TPO: variants seen among roughly 807,000 people sequenced by gnomAD.
TPO encodes the protein thyroid peroxidase.
TPO carries 78 observed loss-of-function variants against 96.9 expected under a neutral mutation model. That is an observed-to-expected ratio of 0.81 (90% CI 0.67 to 0.97). The LOEUF (loss-of-function observed/expected upper bound fraction) is 0.97. TPO is among the 50% of genes least tolerant of loss of function. The pLI is 0.00. For synonymous variants in TPO, 547 were observed against 538.0 expected, an observed-to-expected ratio of 1.02 and a Z score of -0.23; for missense variants, 1,252 against 1,274.8, an observed-to-expected ratio of 0.98 and a Z score of 0.27.
intron 14 of TPO, among the ~76,000 whole-genome samples, chr2:1,514,401 T>C (rs1348412607): frequency 6.6e-6 from 1 of 152,198 alleles, no homozygotes; most frequent in Admixed American, 6.5e-5. Flanking sequence ...AAATTAACCA[T>C]CCCAGTCATG....
chr2:1,517,028 C>G (rs911933283), intron 15 of TPO, 46 bp downstream of exon 15: 2 of 1,590,548 alleles, frequency 1.3e-6, no homozygotes, highest in Non-Finnish European at 8.6e-7. Context: ...AAAGCAATCT[C>G]CTTTCCTCTG....
chr2:1,499,225 C>T (rs1352407829), intron 13 of TPO, among the ~76,000 whole-genome samples: 2 of 151,738 alleles, frequency 1.3e-5, no homozygotes, highest in African/African-American at 4.8e-5. Flanking sequence ...CTCTGACCTT[C>T]CGCCTGCCCT....
chr2:1,422,953 C>A, intron 2 of TPO, 92 bp from the exon 3 acceptor site: 2 of 1,431,822 alleles, frequency 1.4e-6, no homozygotes, highest in Admixed American at 1.8e-5. Context: ...TGGGCATCAC[C>A]GCAGCAAGAT....
rs145301367 is a variant in TPO, at chr2:1,511,899, T to A, written c.2519-4984T>A. Among the ~76,000 whole-genome samples the A allele has an allele frequency of 3.2e-3, 486 of 152,366 alleles. 5 individuals are homozygous for A. Among genetic ancestry groups the A allele is most frequent in the African/African-American group, 0.011 (464 of 41,584 alleles). On this transcript the variant is annotated intron_variant, in intron 14 of 16. Transcript: ENST00000329066. Reference sequence around the variant, plus strand: ...TGGTCCATAGTGCCATCTTTTAATCTTCAGAATAAAACTTTAGAAGAAGTG... The same window carrying A: ...TGGTCCATAGTGCCATCTTTTAATCATCAGAATAAAACTTTAGAAGAAGTG...
intron 7 of TPO, among the ~76,000 whole-genome samples, chr2:1,457,512 A>G (rs562426836): frequency 3.1e-5 from 2 of 64,016 alleles, no homozygotes; most frequent in Non-Finnish European, 6.9e-5. Context: ...AGCATGTATG[A>G]TACTGTGGGT....
At chr2:1,541,210 G>GA (rs1340757354) in intron 16 of TPO, 1 of 1,159,774 alleles carries the variant, frequency 8.6e-7, no homozygotes, top group Non-Finnish European at 1.1e-6. Flanking sequence ...GAGAAGCAGA[G>GA]AGCAGAACAG....
chr2:1,436,109 C>A, intron 4 of TPO, 143 bp from the exon 5 acceptor site: 2 of 1,230,758 alleles, frequency 1.6e-6, no homozygotes, highest in African/African-American at 1.5e-5. Flanking sequence ...AGGGAGAAGG[C>A]AGATTTTCTC....
At chr2:1,412,709 AC>A (rs1662475413), upstream of TPO, among the ~76,000 whole-genome samples, 1 of 152,140 alleles carries the variant, frequency 6.6e-6, no homozygotes, top group Admixed American at 6.5e-5. Flanking sequence ...CAAACTAGAA[AC>A]CCATAGGACT....
intron 7 of TPO, among the ~76,000 whole-genome samples, chr2:1,472,931 C>G (rs1182393681): frequency 7.2e-6 from 1 of 139,040 alleles, no homozygotes; most frequent in Non-Finnish European, 1.5e-5. Context: ...CTTTATTTAT[C>G]TTTTTTTGGC....
At chr2:1,519,225 A>G (rs992481506) in intron 15 of TPO, among the ~76,000 whole-genome samples, 1 of 152,206 alleles carries the variant, frequency 6.6e-6, no homozygotes, top group South Asian at 2.1e-4. Context: ...CTGCAGCCCC[A>G]GAAAACTTAA....
chr2:1,542,598 G>C lies in TPO; in HGVS notation c.*124G>C, dbSNP rs747816995. 1.2e-4 allele frequency: 186 copies of C among 1,556,638 alleles called. 2 individuals are homozygous for C. The Middle Eastern group carries it at 3.5e-3, about 29-fold the overall frequency. ...TGTTTTCCCAACACGGGTAAATCTA[G>C]TACCATGTCGTAGTTACTCTCAGGC... is the stretch of plus-strand genomic sequence containing the variant. On this transcript the variant is annotated 3_prime_UTR_variant, in exon 17 of 17. Coordinates refer to ENST00000329066, the MANE Select transcript of TPO (RefSeq NM_001206744.2).
At chr2:1,534,775 C>T (rs67531902) in intron 15 of TPO, among the ~76,000 whole-genome samples, 1 of 120,238 alleles carries the variant, frequency 8.3e-6, no homozygotes, top group Admixed American at 8.2e-5. Flanking sequence ...GCAACCTCCT[C>T]AAATATCCCC....
intron 4 of TPO, among the ~76,000 whole-genome samples, chr2:1,434,541 T>C (rs925619157): frequency 1.3e-5 from 2 of 152,202 alleles, no homozygotes; most frequent in Non-Finnish European, 2.9e-5. Context: ...CGGTCCACTG[T>C]CCTGTTACGG....
chr2:1,493,046 C>G (rs912652954), intron 10 of TPO, among the ~76,000 whole-genome samples: 1 of 151,968 alleles, frequency 6.6e-6, no homozygotes, highest in African/African-American at 2.4e-5. Context: ...GGACGGGGGC[C>G]TGGGCAGGGA....
chr2:1,453,552 G>A (rs547261290), intron 5 of TPO, 142 bp from the exon 6 acceptor site: 61 of 1,333,150 alleles, frequency 4.6e-5, no homozygotes, highest in South Asian at 1.8e-4. Context: ...GAGGCCTTTC[G>A]GGTCTTCTGG....
intron 15 of TPO, among the ~76,000 whole-genome samples, chr2:1,524,105 A>C (rs1573540087): frequency 7.5e-5 from 7 of 93,536 alleles, no homozygotes; most frequent in African/African-American, 8.8e-5. Context: ...AATTCCCCCC[A>C]CTCCGTGCAA....
chr2:1,476,126 C>T (rs552486223), intron 7 of TPO, among the ~76,000 whole-genome samples: 3 of 152,310 alleles, frequency 2.0e-5, no homozygotes, highest in East Asian at 3.9e-4. Flanking sequence ...GCACTTTGCC[C>T]CGAGAGGAGC....
At chr2:1,519,009 C>A (rs1440816719) in intron 15 of TPO, among the ~76,000 whole-genome samples, 2 of 152,154 alleles carry the variant, frequency 1.3e-5, no homozygotes, top group Non-Finnish European at 2.9e-5. Flanking sequence ...CAGAGTCATG[C>A]TGAGCAGGCG....
At position 1,543,268 on chromosome 2, in the gene TPO, C is replaced by T. The variant is rs574049319; in HGVS notation, c.*794C>T. ...GCAGCTGAATTCCAGAGTGCTGGGT[C>T]CCAGCCCAGGCAGCCCTCAGCCTCA... On this transcript the variant is annotated 3_prime_UTR_variant, in exon 17 of 17. Transcript: ENST00000329066. 6.6e-6 allele frequency: 1 copy of T among 152,530 alleles called. No individual in the cohort carries two copies. Among genetic ancestry groups the T allele is most frequent in the South Asian group, 2.1e-4 (1 of 4,822 alleles). 9.4% of individuals were successfully genotyped at this position (152,530 alleles called of 1,614,324 possible).
Sources: gnomAD v4.1 joint callset for allele counts (sites outside exome capture counted in the v4.1 genomes callset) on GRCh38, gnomAD v4.1.1 for gene constraint, MANE v1.5 for transcripts, NCBI Gene and HGNC (gene_info 2026-07-23, HGNC 2026-07-21) for gene names.